PSMD11: variants seen among roughly 807,000 people sequenced by gnomAD.
PSMD11 encodes the protein 26S proteasome non-ATPase regulatory subunit 11.
PSMD11 carries 5 observed loss-of-function variants against 62.3 expected under a neutral mutation model. The ratio of observed to expected loss-of-function variants is 0.08; its 90% confidence interval spans 0.04 to 0.17. The LOEUF is 0.17. Ranked by LOEUF, PSMD11 falls within the 10% of genes least tolerant of loss-of-function variation. The pLI is 1.00. For missense variants in PSMD11, 310 were observed against 512.9 expected (o/e 0.60, Z 3.82); for synonymous variants, 191 against 191.8 (o/e 1.00, Z 0.03).
intron 3 of PSMD11, 69 bp downstream of exon 3, chr17:32,454,688 C>A: frequency 6.5e-7 from 1 of 1,534,950 alleles, no homozygotes; most frequent in Non-Finnish European, 8.9e-7. Context: ...GAAATGCCTA[C>A]CTGCACTTTA....
In PSMD11 at chr17:32,479,318, A is replaced by T; in HGVS notation, c.980A>T (p.Tyr327Phe). Residue 327 changes from tyrosine to phenylalanine, a missense_variant, in exon 10 of 14, where the codon TAT becomes TTT. By Grantham distance (22) the Tyr-to-Phe change is conservative. This residue lies in a region of PSMD11 where 135 missense variants were observed against 195.4 expected (regional missense o/e 0.69). Transcript: ENST00000261712. ...ATCAGCACACACTTGGCCAAGTTGT[A>T]TGATAACTTACTAGAACAGAATCTG... is the stretch of plus-strand genomic sequence containing the variant. ...PIISTHLAKL[Y>F]DNLLEQNLIR... 6.2e-7 allele frequency: 1 copy of T among 1,614,216 alleles called. No homozygotes were observed. The highest frequency in any genetic ancestry group is 8.5e-7 in the Non-Finnish European group (1 of 1,180,032).
At chr17:32,471,874 A>C (rs1396053749) in intron 6 of PSMD11, among the ~76,000 whole-genome samples, 1 of 149,292 alleles carries the variant, frequency 6.7e-6, no homozygotes, top group African/African-American at 2.5e-5. Context: ...GACTTTGGGC[A>C]GGTTTTTTTT....
intron 8 of PSMD11, 71 bp from the exon 9 acceptor site, chr17:32,477,450 T>C: frequency 7.5e-7 from 1 of 1,331,792 alleles, no homozygotes; most frequent in Non-Finnish European, 1.0e-6. Flanking sequence ...CACAGCATAC[T>C]GCTTATGAGA....
At chr17:32,453,927 C>T (rs1318134368) in intron 2 of PSMD11, among the ~76,000 whole-genome samples, 1 of 152,150 alleles carries the variant, frequency 6.6e-6, no homozygotes, top group Non-Finnish European at 1.5e-5. Flanking sequence ...GCAAAACACT[C>T]TTCTATGTGA....
At chr17:32,469,216 G>A in intron 6 of PSMD11, 23 bp downstream of exon 6, 1 of 1,600,478 alleles carries the variant, frequency 6.2e-7, no homozygotes, top group Non-Finnish European at 8.5e-7. Flanking sequence ...GCTATTCCTG[G>A]GATGTGTTTT....
intron 10 of PSMD11, 116 bp downstream of exon 10, chr17:32,479,492 G>A (rs879584884): frequency 2.2e-6 from 3 of 1,381,300 alleles, no homozygotes; most frequent in African/African-American, 2.9e-5. Flanking sequence ...TGGGCAAGAG[G>A]CCACCAAGAG....
At chr17:32,456,646 C>T (rs1447195704) in intron 3 of PSMD11, among the ~76,000 whole-genome samples, 2 of 152,236 alleles carry the variant, frequency 1.3e-5, no homozygotes, top group Admixed American at 1.3e-4. Flanking sequence ...TCTCCTGCCT[C>T]AGCCTCCCCA....
intron 5 of PSMD11, among the ~76,000 whole-genome samples, chr17:32,464,906 A>T (rs1907950465): frequency 6.6e-6 from 1 of 152,162 alleles, no homozygotes; most frequent in Non-Finnish European, 1.5e-5. Flanking sequence ...TAAATTTCAG[A>T]TTTAGGTTTT....
chr17:32,464,479 CT>C (rs759314478), intron 4 of PSMD11, 41 bp from the exon 5 acceptor site: 25 of 1,483,812 alleles, frequency 1.7e-5, no homozygotes, highest in South Asian at 4.9e-5. Flanking sequence ...CTTTCTGTGG[CT>C]TTTTCCCCCC....
chr17:32,472,391 T>G (rs1597840993), intron 6 of PSMD11, among the ~76,000 whole-genome samples: 1 of 150,410 alleles, frequency 6.6e-6, no homozygotes, highest in East Asian at 2.0e-4. Flanking sequence ...GCCGGCTAAT[T>G]TTTGTATTTT....
intron 3 of PSMD11, among the ~76,000 whole-genome samples, chr17:32,459,186 T>A (rs1366225990): frequency 6.7e-6 from 1 of 149,280 alleles, no homozygotes; most frequent in Non-Finnish European, 1.5e-5. Flanking sequence ...TCCCTAGCCC[T>A]TAGAGTACTT....
chr17:32,475,818 C>G (rs1485658355), intron 8 of PSMD11, among the ~76,000 whole-genome samples: 1 of 151,716 alleles, frequency 6.6e-6, no homozygotes, highest in Non-Finnish European at 1.5e-5. Context: ...GTCCCAAACT[C>G]CTAACCTCAA....
Position 32,482,070 on chromosome 17 carries a change from T to G in PSMD11, c.*1318T>G, listed in dbSNP as rs951895896. The G allele has an allele frequency of 6.6e-6, 1 of 152,130 alleles. No homozygotes were observed. Among genetic ancestry groups the G allele is most frequent in the South Asian group, 2.1e-4 (1 of 4,830 alleles). The allele number at this position is 152,130 out of a possible 1,614,324, so 9.4% of individuals were successfully genotyped here. A position where few individuals can be genotyped will look rare whatever the true frequency, so the allele number is the denominator to read the frequency against. ...TTTCTCTTTTCCTCTCCTTCCTGCC[T>G]TCTTCTGCTGGCCTCCTTTTCTCTT... is the stretch of plus-strand genomic sequence containing the variant. On this transcript the variant is annotated 3_prime_UTR_variant, in exon 14 of 14. Coordinates refer to ENST00000261712, the MANE Select transcript of PSMD11 (RefSeq NM_002815.4).
rs150142086 is a variant in PSMD11 at position 32,462,039 on chromosome 17, G to C, written c.319-2010G>C. Among the ~76,000 whole-genome samples, 370 of 152,308 alleles carry C rather than the reference G, an allele frequency of 2.4e-3. 1 individual carries two copies. The highest frequency in any genetic ancestry group is 7.8e-3 in the African/African-American group (323 of 41,544). ...TGGACTATCAGGGAAATGGAGGCAG[G>C]TGAATTGCAGGAGTATAATTCATTG... On this transcript the variant is annotated intron_variant, in intron 3 of 13. Transcript: ENST00000261712.
At chr17:32,466,673 TA>T (rs1173988745) in intron 5 of PSMD11, among the ~76,000 whole-genome samples, 1 of 152,200 alleles carries the variant, frequency 6.6e-6, no homozygotes, top group Non-Finnish European at 1.5e-5. Context: ...GAAGTGGAAT[TA>T]TACTGTGTCA....
At chr17:32,444,744 G>T in intron 1 of PSMD11, 130 bp downstream of exon 1, 1 of 1,156,618 alleles carries the variant, frequency 8.6e-7, no homozygotes, top group East Asian at 2.7e-5. Context: ...GGGCCGGGCC[G>T]GGGGCGCAGG....
chr17:32,479,329 C>G lies in PSMD11; in HGVS notation c.991C>G (p.Leu331Val). Residue 331 changes from leucine to valine, a missense_variant, in exon 10 of 14, where the codon CTA becomes GTA. Coordinates refer to ENST00000261712, the MANE Select transcript of PSMD11 (RefSeq NM_002815.4). ...CTTGGCCAAGTTGTATGATAACTTA[C>G]TAGAACAGAATCTGATCCGAGTCAT... ...THLAKLYDNL[L>V]EQNLIRVIEP... is the part of the protein sequence containing the mutation. The G allele has an allele frequency of 1.2e-6, 2 of 1,614,198 alleles. No individual in the cohort carries two copies. The highest frequency in any genetic ancestry group is 8.5e-7 in the Non-Finnish European group (1 of 1,180,018).
intron 2 of PSMD11, among the ~76,000 whole-genome samples, chr17:32,447,578 G>A (rs1400496613): frequency 1.3e-5 from 2 of 152,156 alleles, no homozygotes. Context: ...ACCATTGACT[G>A]ATTAGATTTG....
chr17:32,474,421 CT>C (rs1908259945), intron 7 of PSMD11, among the ~76,000 whole-genome samples: 1 of 152,210 alleles, frequency 6.6e-6, no homozygotes. Context: ...TAAGAACTCT[CT>C]CTGGATCTTT....
Sources: allele counts gnomAD v4.1 joint callset (sites outside exome capture counted in the v4.1 genomes callset), GRCh38; gene constraint gnomAD v4.1.1; regional missense constraint gnomAD v4.1.1; transcripts MANE v1.5; gene names NCBI Gene and HGNC (gene_info 2026-07-23, HGNC 2026-07-21).